GALNT14: variants seen among roughly 807,000 people sequenced by gnomAD.
GALNT14 encodes the protein polypeptide N-acetylgalactosaminyltransferase 14.
Under a neutral mutation model 77.5 loss-of-function variants are expected in GALNT14, and 60 were observed. The observed-to-expected ratio is 0.77, with a 90% CI of 0.63 to 0.96. GALNT14 has a LOEUF of 0.96. Ranked by LOEUF, GALNT14 falls within the 40% of genes least tolerant of loss-of-function variation. The pLI, the probability that GALNT14 is intolerant of heterozygous loss-of-function variation, is 0.00. For missense variants in GALNT14, 710 were observed against 731.0 expected (o/e 0.97, Z 0.33); for synonymous variants, 280 against 281.7 (o/e 0.99, Z 0.06).
At chr2:31,053,007 C>G (rs1452334859) in intron 1 of GALNT14, among the ~76,000 whole-genome samples, 1 of 152,148 alleles carries the variant, frequency 6.6e-6, no homozygotes, top group Non-Finnish European at 1.5e-5. Context: ...TTCCTCACAG[C>G]TGGAGCCACT....
chr2:31,120,164 A>G (rs1179024345), intron 1 of GALNT14, among the ~76,000 whole-genome samples: 1 of 151,540 alleles, frequency 6.6e-6, no homozygotes, highest in Non-Finnish European at 1.5e-5. Context: ...TCAAAAAAAA[A>G]AAAAAAAAAA....
intron 4 of GALNT14, 129 bp from the exon 5 acceptor site, chr2:30,956,106 G>T: frequency 1.2e-6 from 1 of 842,660 alleles, no homozygotes. Flanking sequence ...ACTGCAGAGT[G>T]CAGTCCTGAC....
At chr2:30,901,586 GTA>G in the GALNT14 span, among the ~76,000 whole-genome samples, 93 of 150,946 alleles carry the variant, frequency 6.2e-4, 1 homozygote, top group Admixed American at 5.6e-3. Flanking sequence ...ATATATGTGA[GTA>G]TATATATATG....
At chr2:31,120,143 G>A (rs565284916) in intron 1 of GALNT14, among the ~76,000 whole-genome samples, 2,413 of 60,166 alleles carry the variant, frequency 0.04, 210 homozygotes, top group African/African-American at 0.1. Context: ...GCGACAGAGC[G>A]AGACTCCGTC....
chr2:31,046,913 G>A (rs2148510770), intron 1 of GALNT14, among the ~76,000 whole-genome samples: 1 of 152,268 alleles, frequency 6.6e-6, no homozygotes, highest in Non-Finnish European at 1.5e-5. Context: ...TCTTTGAAAT[G>A]TTCCTACAAG....
At chr2:31,015,723 G>C (rs1183991476) in intron 1 of GALNT14, among the ~76,000 whole-genome samples, 1 of 152,196 alleles carries the variant, frequency 6.6e-6, no homozygotes, top group Non-Finnish European at 1.5e-5. Context: ...AAAACACGTA[G>C]CTTCAGTCTA....
intron 1 of GALNT14, among the ~76,000 whole-genome samples, chr2:31,081,269 T>G (rs1202316917): frequency 1.3e-5 from 2 of 152,216 alleles, no homozygotes; most frequent in African/African-American, 4.8e-5. Flanking sequence ...GTATATGGAT[T>G]CATGGCAATA....
At chr2:31,119,614 T>A (rs2148635849) in intron 1 of GALNT14, among the ~76,000 whole-genome samples, 1 of 152,346 alleles carries the variant, frequency 6.6e-6, no homozygotes, top group East Asian at 1.9e-4. Context: ...AAATGTAGAT[T>A]GTTTTACAAA....
At chr2:31,075,272 T>C (rs1675693326) in intron 1 of GALNT14, among the ~76,000 whole-genome samples, 1 of 152,208 alleles carries the variant, frequency 6.6e-6, no homozygotes, top group Admixed American at 6.5e-5. Flanking sequence ...ATTTCCTGTA[T>C]ACCCTGCAGA....
intron 1 of GALNT14, among the ~76,000 whole-genome samples, chr2:31,128,417 C>T (rs1279000801): frequency 6.6e-6 from 1 of 152,312 alleles, no homozygotes; most frequent in East Asian, 1.9e-4. Context: ...AGTCATTTCC[C>T]CAGGCACTTG....
Position 31,085,689 on chromosome 2 carries a change from G to A in GALNT14, c.129+52269C>T, listed in dbSNP as rs768859646. On this transcript the variant is annotated intron_variant, in intron 1 of 14. Transcript: ENST00000349752. ...TCTTCATTTCCTTTTGCTGCACTGCGGGGACCCCTCAGCTCCTCTGTGCTT... is the reference window on the plus strand; with the variant it reads ...TCTTCATTTCCTTTTGCTGCACTGCAGGGACCCCTCAGCTCCTCTGTGCTT... Among the ~76,000 whole-genome samples the A allele has an allele frequency of 1.1e-4, 16 of 152,316 alleles. 1 individual carries two copies. Among genetic ancestry groups the A allele is most frequent in the South Asian group, 4.1e-4 (2 of 4,820 alleles).
In GALNT14 at chr2:31,037,289, C is replaced by T. The variant is rs6710663; in HGVS notation, c.130-44282G>A. Among the ~76,000 whole-genome samples, 1,365 of 152,276 alleles carry T rather than the reference C, an allele frequency of 9.0e-3. 20 individuals carry two copies. Among genetic ancestry groups the T allele is most frequent in the African/African-American group, 0.031 (1,270 of 41,562 alleles). On this transcript the variant is annotated intron_variant, in intron 1 of 14. Coordinates refer to ENST00000349752, the MANE Select transcript of GALNT14 (RefSeq NM_024572.4). ...AGTCCCTCTAGTGAACTTTTCATTT[C>T]AGTTATTATACTTTTCAACTCCAGA...
Position 30,932,140 on chromosome 2 carries a change from C to T in GALNT14, c.986G>A (p.Ser329Asn). ...CTTCCGGAAGACGTGCCCCACTCGGCTGCAGGGGACGATCTCTAGGCTGCC... is the reference window on the plus strand; with the variant it reads ...CTTCCGGAAGACGTGCCCCACTCGGTTGCAGGGGACGATCTCTAGGCTGCC... Reference protein sequence around the residue: ...CGGSLEIVPCSRVGHVFRKKH... With the variant: ...CGGSLEIVPCNRVGHVFRKKH... Residue 329 changes from serine (S) to asparagine (N), a missense_variant, in exon 10 of 15, where the codon AGC (serine) becomes AAC (asparagine). Coordinates refer to ENST00000349752, the MANE Select transcript of GALNT14 (RefSeq NM_024572.4). The T allele has an allele frequency of 6.4e-7, 1 of 1,571,642 alleles. No homozygotes were observed. The highest frequency in any genetic ancestry group is 8.6e-7 in the Non-Finnish European group (1 of 1,158,708).
At chr2:30,926,442 G>A (rs540035496) in intron 11 of GALNT14, among the ~76,000 whole-genome samples, 3 of 152,164 alleles carry the variant, frequency 2.0e-5, no homozygotes, top group Non-Finnish European at 2.9e-5. Context: ...TGAGTTGGAG[G>A]TACCAGGGAG....
chr2:30,978,582 T>C (rs1016661406), intron 2 of GALNT14, among the ~76,000 whole-genome samples: 17 of 152,228 alleles, frequency 1.1e-4, no homozygotes, highest in Non-Finnish European at 5.9e-5. Flanking sequence ...TAATTCTCTG[T>C]TGAGCGAGGA....
At chr2:30,922,819 A>C (rs1353570912) in intron 13 of GALNT14, among the ~76,000 whole-genome samples, 1 of 152,226 alleles carries the variant, frequency 6.6e-6, no homozygotes, top group Non-Finnish European at 1.5e-5. Flanking sequence ...TCATCTCTGC[A>C]TCTTCATAGT....
chr2:30,969,367 C>G (rs1668202222), intron 2 of GALNT14, among the ~76,000 whole-genome samples: 1 of 152,122 alleles, frequency 6.6e-6, no homozygotes, highest in Non-Finnish European at 1.5e-5. Context: ...TGCTGGGAGG[C>G]AGGGGGACCA....
chr2:30,919,954 C>A (rs1664932089), intron 13 of GALNT14, among the ~76,000 whole-genome samples: 1 of 152,140 alleles, frequency 6.6e-6, no homozygotes, highest in Non-Finnish European at 1.5e-5. Flanking sequence ...GGGGGTACAA[C>A]CTTCGTTCAT....
intron 1 of GALNT14, among the ~76,000 whole-genome samples, chr2:31,067,197 G>A (rs1262173853): frequency 2.0e-5 from 3 of 152,188 alleles, no homozygotes; most frequent in African/African-American, 7.2e-5. Flanking sequence ...GCAAGGGCAG[G>A]GGGCCAAACA....
Sources: allele counts gnomAD v4.1 joint callset (sites outside exome capture counted in the v4.1 genomes callset), GRCh38; gene constraint gnomAD v4.1.1; transcripts MANE v1.5; gene names NCBI Gene and HGNC (gene_info 2026-07-23, HGNC 2026-07-21).